Variants in PCDH11X observed in about 807,000 individuals in gnomAD.
PCDH11X encodes the protein protocadherin-11 X-linked.
PCDH11X carries 18 observed loss-of-function variants against 53.3 expected under a neutral mutation model. The observed-to-expected ratio is 0.34, with a 90% CI of 0.23 to 0.50. The LOEUF (loss-of-function observed/expected upper bound fraction) is 0.50, where lower values mean the gene tolerates loss of function less well. PCDH11X is among the 20% of genes least tolerant of loss of function. PCDH11X has a pLI of 0.98. For synonymous variants in PCDH11X, 279 were observed against 393.3 expected, an observed-to-expected ratio of 0.71 and a Z score of 3.44; for missense variants, 570 against 1,032.4, an observed-to-expected ratio of 0.55 and a Z score of 6.14.
intron 6 of PCDH11X, among the ~76,000 whole-genome samples, chrX:92,005,870 G>C (rs1017376857): frequency 1.8e-5 from 2 of 111,677 alleles, no homozygotes; most frequent in Non-Finnish European, 3.8e-5. Context: ...ATTTTAGCTG[G>C]ATATACTATT....
chrX:92,078,767 T>C (rs1449116684), intron 6 of PCDH11X, among the ~76,000 whole-genome samples: 2 of 111,314 alleles, frequency 1.8e-5, no homozygotes, highest in Admixed American at 9.6e-5. Context: ...GGCTGCTTCA[T>C]TGATATTGTC....
chrX:92,563,059 T>G (rs1466884460), intron 10 of PCDH11X, among the ~76,000 whole-genome samples: 1 of 44,868 alleles, frequency 2.2e-5, no homozygotes, highest in African/African-American at 7.7e-5. Flanking sequence ...TTTTTTTTTT[T>G]TTTTTTTTTT....
At chrX:92,262,136 TA>T (rs367800596) in intron 7 of PCDH11X, among the ~76,000 whole-genome samples, 2,995 of 104,293 alleles carry the variant, frequency 0.029, 42 homozygotes, top group African/African-American at 0.054. Context: ...AGCCACTGGA[TA>T]AAAAAAAAAA....
intron 6 of PCDH11X, among the ~76,000 whole-genome samples, chrX:92,121,304 C>T (rs758554163): frequency 1.1e-4 from 12 of 110,259 alleles, no homozygotes; most frequent in South Asian, 7.7e-4. Flanking sequence ...TACAGGCATC[C>T]GCCACCATGC....
At chrX:92,522,127 G>A (rs2074379500) in intron 10 of PCDH11X, among the ~76,000 whole-genome samples, 1 of 112,094 alleles carries the variant, frequency 8.9e-6, no homozygotes, top group African/African-American at 3.2e-5. Context: ...ACTATTTGGT[G>A]CAAGAGGTCT....
intron 6 of PCDH11X, among the ~76,000 whole-genome samples, chrX:92,057,275 G>A (rs1240584784): frequency 1.9e-5 from 2 of 107,987 alleles, no homozygotes; most frequent in Non-Finnish European, 3.8e-5. Context: ...TTTATAATGA[G>A]GCTTCTTTCT....
intron 6 of PCDH11X, among the ~76,000 whole-genome samples, chrX:91,938,679 T>C (rs1250265760): frequency 9.0e-6 from 1 of 111,095 alleles, no homozygotes; most frequent in Non-Finnish European, 1.9e-5. Context: ...GAATAATGCC[T>C]GGTTCTTATA....
At chrX:92,493,993 T>C (rs774199560) in intron 10 of PCDH11X, among the ~76,000 whole-genome samples, 1 of 109,348 alleles carries the variant, frequency 9.1e-6, no homozygotes, top group East Asian at 2.9e-4. Flanking sequence ...GTTTTTTTTT[T>C]TTTAAGGTTA....
chrX:92,053,490 G>A (rs1399715042), intron 6 of PCDH11X, among the ~76,000 whole-genome samples: 1 of 105,725 alleles, frequency 9.5e-6, no homozygotes, highest in Non-Finnish European at 1.9e-5. Flanking sequence ...TCAAACCCAA[G>A]AGGTCAAAAC....
chrX:91,834,907 T>A (rs1937239046), intron 4 of PCDH11X: 1 of 686,423 alleles, frequency 1.5e-6, no homozygotes, highest in Non-Finnish European at 1.7e-6. Flanking sequence ...CTTCTCTTCT[T>A]CAAATCAAAC....
chrX:91,818,354 C>T (rs1936517851), intron 4 of PCDH11X, among the ~76,000 whole-genome samples: 1 of 106,530 alleles, frequency 9.4e-6, no homozygotes, highest in Admixed American at 9.8e-5. Context: ...TAACAATAAC[C>T]GCAAATGCAT....
intron 6 of PCDH11X, among the ~76,000 whole-genome samples, chrX:91,900,710 T>A (rs1940921054): frequency 9.2e-6 from 1 of 109,263 alleles, no homozygotes; most frequent in East Asian, 2.9e-4. Context: ...ATCCAAAATG[T>A]CCAACTTATG....
At chrX:91,888,279 A>G in intron 6 of PCDH11X, among the ~76,000 whole-genome samples, 1 of 112,019 alleles carries the variant, frequency 8.9e-6, no homozygotes, top group Admixed American at 9.5e-5. Flanking sequence ...CCCTTATCCT[A>G]GAACCTTATA....
At chrX:91,920,723 T>C (rs1156507283) in intron 6 of PCDH11X, among the ~76,000 whole-genome samples, 1 of 111,042 alleles carries the variant, frequency 9.0e-6, no homozygotes, top group Non-Finnish European at 1.9e-5. Context: ...AATGAGAACA[T>C]ATATTTGTTT....
At chrX:92,025,963 G>A (rs1479702763) in intron 6 of PCDH11X, among the ~76,000 whole-genome samples, 2 of 110,661 alleles carry the variant, frequency 1.8e-5, no homozygotes, top group Admixed American at 9.7e-5. Flanking sequence ...ACCAAATATC[G>A]CGTGTTCTCA....
chrX:91,872,942 C>T (rs756725707), intron 5 of PCDH11X, among the ~76,000 whole-genome samples: 51 of 107,755 alleles, frequency 4.7e-4, no homozygotes, highest in African/African-American at 1.7e-3. Flanking sequence ...GAACAGAAAA[C>T]AGTCTTGGAA....
intron 6 of PCDH11X, among the ~76,000 whole-genome samples, chrX:92,068,483 T>C (rs1421673798): frequency 9.2e-6 from 1 of 109,062 alleles, no homozygotes; most frequent in African/African-American, 3.4e-5. Context: ...GCTTCCACAA[T>C]TCCTCTGGTT....
At chrX:92,013,741 C>T (rs2062736880) in intron 6 of PCDH11X, among the ~76,000 whole-genome samples, 1 of 111,430 alleles carries the variant, frequency 9.0e-6, no homozygotes, top group East Asian at 2.8e-4. Flanking sequence ...CATCTACAAC[C>T]ATCTGATCTT....
chrX:92,167,134 C>A (rs1183095859), intron 6 of PCDH11X, among the ~76,000 whole-genome samples: 2 of 110,108 alleles, frequency 1.8e-5, no homozygotes, highest in African/African-American at 6.6e-5. Context: ...TTTTTGCTTC[C>A]TTTTCCTCAC....
Sources: allele counts gnomAD v4.1 joint callset (sites outside exome capture counted in the v4.1 genomes callset), GRCh38; gene constraint gnomAD v4.1.1; transcripts MANE v1.5; gene names NCBI Gene and HGNC (gene_info 2026-07-23, HGNC 2026-07-21).